The following YRDC variants were observed in gnomAD, a reference collection of about 807,000 sequenced individuals.
YRDC encodes threonylcarbamoyl-AMP synthase.
In YRDC, 17 loss-of-function variants were observed where a neutral mutation model predicts 21.5. That is an observed-to-expected ratio of 0.79 (90% CI 0.54 to 1.19). The LOEUF (loss-of-function observed/expected upper bound fraction) is 1.19, where lower values mean the gene tolerates loss of function less well. Ranked by LOEUF, YRDC falls within the 50% of genes most tolerant of loss-of-function variation. The pLI, the probability that YRDC is intolerant of heterozygous loss-of-function variation, is 0.00. For synonymous variants in YRDC, 193 were observed against 176.7 expected, an observed-to-expected ratio of 1.09 and a Z score of -0.73; for missense variants, 380 against 397.1, an observed-to-expected ratio of 0.96 and a Z score of 0.37.
intron 3 of YRDC, 84 bp from the exon 4 acceptor site, chr1:37,804,528 T>C (rs564232424): frequency 4.7e-6 from 7 of 1,496,260 alleles, no homozygotes; most frequent in Non-Finnish European, 3.6e-6. Context: ...TCAAAGGCCA[T>C]ATAGTCTTAA....
At chr1:37,805,146 C>T (rs1164167119) in intron 3 of YRDC, among the ~76,000 whole-genome samples, 1 of 152,130 alleles carries the variant, frequency 6.6e-6, no homozygotes, top group Non-Finnish European at 1.5e-5. Flanking sequence ...ATCCCAGCTA[C>T]TCACTCGGGA....
chr1:37,807,417 T>C lies in YRDC; in HGVS notation c.390-202A>G, dbSNP rs1162982719. ...TGGCTTGACGCCCATGTGCCTCTGG[T>C]CTCAGGGACTACAACAGCTGCACCG... On this transcript the variant is annotated intron_variant, in intron 1 of 4. Transcript: ENST00000373044. 4.9e-6 allele frequency: 3 copies of C among 617,558 alleles called. No individual in the cohort carries two copies. In the African/African-American group the frequency reaches 5.5e-5, roughly 11 times the overall value. The allele number at this position is 617,558 out of a possible 1,614,324, so 38.3% of individuals were successfully genotyped here.
chr1:37,808,202 A>T lies in YRDC; in HGVS notation c.-22T>A. 7.0e-7 allele frequency: 1 copy of T among 1,420,590 alleles called. No homozygotes were observed. Among genetic ancestry groups the T allele is most frequent in the Non-Finnish European group, 9.2e-7 (1 of 1,092,074 alleles). The allele number at this position is 1,420,590 out of a possible 1,614,324, so 88.0% of individuals were successfully genotyped here. A position where few individuals can be genotyped will look rare whatever the true frequency, so the allele number is the denominator to read the frequency against. Reference sequence around the variant, plus strand: ...ACATCCGCCCAGGCCCGCTTCCGGGAGGAAGTGACGCTCCCAGCCAGCTTC... The same window carrying T: ...ACATCCGCCCAGGCCCGCTTCCGGGTGGAAGTGACGCTCCCAGCCAGCTTC... On this transcript the variant is annotated 5_prime_UTR_variant, in exon 1 of 5. Coordinates refer to ENST00000373044, the MANE Select transcript of YRDC (RefSeq NM_024640.4).
intron 3 of YRDC, among the ~76,000 whole-genome samples, chr1:37,806,197 T>C (rs373446499): frequency 2.7e-5 from 4 of 146,794 alleles, no homozygotes; most frequent in South Asian, 2.2e-4. Context: ...AGGCTAAACT[T>C]CATCTTTTTT....
At chr1:37,804,210 A>G (rs1646720553) in intron 4 of YRDC, 92 bp downstream of exon 4, 1 of 1,550,794 alleles carries the variant, frequency 6.4e-7, no homozygotes, top group Non-Finnish European at 8.7e-7. Context: ...TCAGGGCAAC[A>G]TAGGAGGCAC....
intron 3 of YRDC, among the ~76,000 whole-genome samples, chr1:37,805,984 T>G (rs1470116883): frequency 6.6e-6 from 1 of 152,164 alleles, no homozygotes; most frequent in Non-Finnish European, 1.5e-5. Context: ...GTTTTACATC[T>G]TAGTAATAAG....
At chr1:37,806,450 C>T (rs1646736829) in intron 3 of YRDC, among the ~76,000 whole-genome samples, 1 of 152,200 alleles carries the variant, frequency 6.6e-6, no homozygotes, top group South Asian at 2.1e-4. Flanking sequence ...GATCCACCTG[C>T]TTGGGCCTCC....
At chr1:37,806,785 C>T in intron 3 of YRDC, 72 bp downstream of exon 3, 3 of 1,605,308 alleles carry the variant, frequency 1.9e-6, no homozygotes, top group Non-Finnish European at 2.6e-6. Context: ...AGTGTACTAT[C>T]AATGCCACTG....
At chr1:37,806,244 T>C (rs566650991) in intron 3 of YRDC, among the ~76,000 whole-genome samples, 1 of 151,912 alleles carries the variant, frequency 6.6e-6, no homozygotes, top group South Asian at 2.1e-4. Context: ...TCTAGAGCCC[T>C]GCCTGGAGTA....
rs1391812484 is a variant in YRDC at position 37,804,430 on chromosome 1, G to C, written c.639C>G (p.Leu213=). ...SSLNVEEFQD[L]WPQLSLVIDG... Reference sequence around the variant, plus strand: ...CAATAACCAAGGACAACTGAGGCCAGAGATCCTGGAACTCCTGAGAAGAGG... The same window carrying C: ...CAATAACCAAGGACAACTGAGGCCACAGATCCTGGAACTCCTGAGAAGAGG... The change falls in exon 4 of 5, where the codon CTC becomes CTG. Residue 213 remains leucine, a synonymous_variant. Coordinates refer to ENST00000373044, the MANE Select transcript of YRDC (RefSeq NM_024640.4). The C allele has an allele frequency of 4.3e-6, 7 of 1,613,100 alleles. No individual in the cohort carries two copies. Among genetic ancestry groups the C allele is most frequent in the South Asian group, 1.1e-5 (1 of 91,040 alleles).
rs1213441410 is a variant in YRDC at position 37,807,138 on chromosome 1, G to A, written c.467C>T (p.Ser156Leu). 5 of 1,614,020 alleles carry A rather than the reference G, an allele frequency of 3.1e-6. No individual in the cohort carries two copies. Among genetic ancestry groups the A allele is most frequent in the Non-Finnish European group, 4.2e-6 (5 of 1,180,046 alleles). Reference sequence around the variant, plus strand: ...GTTTAGGTCCTTGTTGAGCTCCTCCGAGCGTTCCATCACCAGGGTCACTGG... The same window carrying A: ...GTTTAGGTCCTTGTTGAGCTCCTCCAAGCGTTCCATCACCAGGGTCACTGG... The part of the protein sequence containing the change: ...PGPVTLVMER[S>L]EELNKDLNPF... The change falls in exon 2 of 5, where the codon TCG becomes TTG. Residue 156 changes from serine to leucine, a missense_variant. Ser to Leu is a moderately radical substitution (Grantham distance 145). This residue lies in a region of YRDC where 238 missense variants were observed against 236.5 expected (regional missense o/e 1.01). Coordinates refer to ENST00000373044, the MANE Select transcript of YRDC (RefSeq NM_024640.4).
rs1239773835 is a variant in YRDC at position 37,807,779 on chromosome 1, G to C, written c.389+13C>G. The C allele has an allele frequency of 4.0e-6, 6 of 1,494,080 alleles. No homozygotes were observed. The highest frequency in any genetic ancestry group is 2.6e-5 in the East Asian group (1 of 38,178). 92.6% of individuals were successfully genotyped at this position (1,494,080 alleles called of 1,614,324 possible). ...GTGCCGCCCCTAGCGGGGCCGGGTC[G>C]GGGCGGCCTTACCTGTAGACGTCGG... On this transcript the variant is annotated intron_variant, in intron 1 of 4. Coordinates refer to ENST00000373044, the MANE Select transcript of YRDC (RefSeq NM_024640.4).
chr1:37,805,875 T>C (rs1019277169), intron 3 of YRDC, among the ~76,000 whole-genome samples: 45 of 152,236 alleles, frequency 3.0e-4, no homozygotes, highest in African/African-American at 1.1e-3. Context: ...ATTAGCTGGA[T>C]GTAATAAGCC....
At chr1:37,806,465 G>C (rs1392894288) in intron 3 of YRDC, among the ~76,000 whole-genome samples, 2 of 152,222 alleles carry the variant, frequency 1.3e-5, no homozygotes, top group Non-Finnish European at 2.9e-5. Flanking sequence ...GCCTCCCAAA[G>C]TGCTGGGGTC....
rs1646718824 is a variant in YRDC at position 37,803,999 on chromosome 1, T to C, written c.768-2A>G. ...ATGGCTGTAGTACTTTCCAGGGCAC[T>C]GAGGAGGAAACAGGACAGTTACCAG... On this transcript the variant is annotated splice_acceptor_variant, in intron 4 of 4. Transcript: ENST00000373044. LOFTEE classifies it high-confidence loss of function. 1.2e-6 allele frequency: 2 copies of C among 1,614,068 alleles called. No homozygotes were observed. The highest frequency in any genetic ancestry group is 1.3e-5 in the African/African-American group (1 of 74,936).
At chr1:37,807,290 C>G in intron 1 of YRDC, 75 bp from the exon 2 acceptor site, 1 of 1,352,766 alleles carries the variant, frequency 7.4e-7, no homozygotes. Flanking sequence ...TCTAGGCAGA[C>G]GTAGAAAAGG....
In YRDC at chr1:37,804,370, C is replaced by T; in HGVS notation, c.699G>A (p.Glu233=). The T allele has an allele frequency of 1.2e-6, 2 of 1,614,204 alleles. No homozygotes were observed. The highest frequency in any genetic ancestry group is 1.1e-5 in the South Asian group (1 of 91,078). Residue 233 remains glutamate, a synonymous_variant, in exon 4 of 5, where the codon GAG becomes GAA. Transcript: ENST00000373044. ...GGQIGDGQSP[E]CRLGSTVVDL... is the part of the protein sequence containing the mutation. Reference sequence around the variant, plus strand: ...CAACCACAGTTGAGCCAAGGCGACACTCGGGGCTCTGGCCATCCCCAATTT... The same window carrying T: ...CAACCACAGTTGAGCCAAGGCGACATTCGGGGCTCTGGCCATCCCCAATTT...
intron 4 of YRDC, 87 bp downstream of exon 4, chr1:37,804,215 A>G (rs1217137826): frequency 1.3e-6 from 2 of 1,552,884 alleles, no homozygotes; most frequent in Non-Finnish European, 1.7e-6. Context: ...GCAACATAGG[A>G]GGCACCATCT....
At chr1:37,804,262 C>G in intron 4 of YRDC, 40 bp downstream of exon 4, 1 of 1,595,470 alleles carries the variant, frequency 6.3e-7, no homozygotes, top group Non-Finnish European at 8.6e-7. Context: ...TCTCCAACCT[C>G]CCTCAAATTA....
Sources: gnomAD v4.1 joint callset for allele counts (sites outside exome capture counted in the v4.1 genomes callset) on GRCh38, gnomAD v4.1.1 for gene constraint, gnomAD v4.1.1 regional missense constraint, MANE v1.5 for transcripts, NCBI Gene and HGNC (gene_info 2026-07-23, HGNC 2026-07-21) for gene names.